The following PDE10A variants were observed in gnomAD, a reference collection of about 807,000 sequenced individuals.
PDE10A encodes phosphodiesterase 10A, also known as cAMP and cAMP-inhibited cGMP 3',5'-cyclic phosphodiesterase 10A.
Under a neutral mutation model 97.7 loss-of-function variants are expected in PDE10A, and 39 were observed. The ratio of observed to expected loss-of-function variants is 0.40; its 90% CI spans 0.31 to 0.52. PDE10A has a LOEUF of 0.52. Ranked by LOEUF, PDE10A falls within the 20% of genes least tolerant of loss-of-function variation. PDE10A has a pLI of 0.56. For missense variants in PDE10A, 731 were observed against 1,047.8 expected, an observed-to-expected ratio of 0.70 and a Z score of 4.17; for synonymous variants, 371 against 376.8, an observed-to-expected ratio of 0.98 and a Z score of 0.18.
chr6:165,973,336 C>G (rs1784748550), intron 1 of PDE10A, among the ~76,000 whole-genome samples: 1 of 151,864 alleles, frequency 6.6e-6, no homozygotes, highest in Non-Finnish European at 1.5e-5. Context: ...CCACTTGAAC[C>G]CGGGAGGCGG....
intron 1 of PDE10A, among the ~76,000 whole-genome samples, chr6:165,562,629 C>A (rs187438143): frequency 6.6e-6 from 1 of 152,102 alleles, no homozygotes; most frequent in Non-Finnish European, 1.5e-5. Context: ...TCCAAGTTTC[C>A]GTGACACTGC....
chr6:165,382,277 A>G (rs992809229), intron 17 of PDE10A, among the ~76,000 whole-genome samples: 3 of 152,146 alleles, frequency 2.0e-5, no homozygotes, highest in African/African-American at 7.2e-5. Context: ...GCCCTTAATC[A>G]TAAGGATCCT....
At chr6:165,732,979 C>T (rs1314617775) in intron 1 of PDE10A, among the ~76,000 whole-genome samples, 1 of 152,246 alleles carries the variant, frequency 6.6e-6, no homozygotes, top group Non-Finnish European at 1.5e-5. Flanking sequence ...TTCCTAGTGA[C>T]AGTTCTCTGG....
chr6:165,630,021 T>C (rs13200957), intron 1 of PDE10A, among the ~76,000 whole-genome samples: 51,335 of 151,964 alleles, frequency 0.34, 9,780 homozygotes, highest in East Asian at 0.62. Context: ...TAAACACCAT[T>C]GTCAACAGAA....
At chr6:165,456,643 T>A (rs1220006107) in intron 3 of PDE10A, among the ~76,000 whole-genome samples, 1 of 152,232 alleles carries the variant, frequency 6.6e-6, no homozygotes, top group Non-Finnish European at 1.5e-5. Flanking sequence ...AGTTTTCTCA[T>A]TTGTATAATA....
At chr6:165,469,242 T>C (rs1778846033) in intron 3 of PDE10A, among the ~76,000 whole-genome samples, 4 of 152,218 alleles carry the variant, frequency 2.6e-5, no homozygotes. Context: ...GGTTTTGCCT[T>C]AAGTACAAAC....
intron 1 of PDE10A, among the ~76,000 whole-genome samples, chr6:165,846,169 G>A (rs1456924902): frequency 6.6e-6 from 1 of 152,210 alleles, no homozygotes; most frequent in African/African-American, 2.4e-5. Flanking sequence ...CCCCCATGCA[G>A]ATCAGACATT....
chr6:165,637,169 G>A (rs1788916490), intron 1 of PDE10A, among the ~76,000 whole-genome samples: 1 of 152,194 alleles, frequency 6.6e-6, no homozygotes, highest in Non-Finnish European at 1.5e-5. Flanking sequence ...CAGACTATAA[G>A]AGATGGGACC....
At chr6:165,440,527 A>C (rs188827346) in intron 5 of PDE10A, among the ~76,000 whole-genome samples, 2 of 152,216 alleles carry the variant, frequency 1.3e-5, no homozygotes, top group Non-Finnish European at 2.9e-5. Context: ...CTTTGTAGAA[A>C]GCACAGTAAC....
chr6:165,820,214 G>A (rs1041362331), intron 1 of PDE10A, among the ~76,000 whole-genome samples: 48 of 152,114 alleles, frequency 3.2e-4, no homozygotes, highest in African/African-American at 1.0e-3. Flanking sequence ...ATGTTCTAAC[G>A]GAATTATTAT....
At chr6:165,452,440 C>A (rs1038873437) in intron 3 of PDE10A, among the ~76,000 whole-genome samples, 7 of 152,270 alleles carry the variant, frequency 4.6e-5, no homozygotes, top group African/African-American at 1.4e-4. Flanking sequence ...CTTTAAAAGG[C>A]AGAGCCCTTG....
intron 1 of PDE10A, among the ~76,000 whole-genome samples, chr6:165,783,032 A>C (rs1583081700): frequency 6.6e-6 from 1 of 152,286 alleles, no homozygotes; most frequent in East Asian, 1.9e-4. Flanking sequence ...CTCGCTTATA[A>C]ATTCATGAGT....
intron 1 of PDE10A, among the ~76,000 whole-genome samples, chr6:165,766,637 C>T (rs1206453062): frequency 1.3e-5 from 2 of 152,194 alleles, no homozygotes; most frequent in African/African-American, 2.4e-5. Context: ...GGAAAACACA[C>T]GTTCAGGCGG....
intron 17 of PDE10A, among the ~76,000 whole-genome samples, chr6:165,379,627 A>C (rs1405923605): frequency 6.6e-6 from 1 of 152,224 alleles, no homozygotes; most frequent in Non-Finnish European, 1.5e-5. Flanking sequence ...TACTACCATA[A>C]AACCCCAGTG....
chr6:165,645,926 A>G (rs1789374506), intron 1 of PDE10A, among the ~76,000 whole-genome samples: 1 of 152,140 alleles, frequency 6.6e-6, no homozygotes, highest in Non-Finnish European at 1.5e-5. Flanking sequence ...AAATTTGACT[A>G]CAAATAGTTT....
chr6:165,965,118 T>G (rs371151861), intron 1 of PDE10A, among the ~76,000 whole-genome samples: 59 of 152,308 alleles, frequency 3.9e-4, no homozygotes, highest in African/African-American at 1.1e-3. Flanking sequence ...ATATAGAGAT[T>G]GTATTTTAAA....
chr6:165,495,338 AGG>A (rs1454755116), intron 2 of PDE10A, among the ~76,000 whole-genome samples: 3 of 149,870 alleles, frequency 2.0e-5, no homozygotes, highest in Non-Finnish European at 4.4e-5. Context: ...AGAGAAGGAG[AGG>A]GGGTGGAGGG....
chr6:165,808,388 C>T (rs1156530194), intron 1 of PDE10A, among the ~76,000 whole-genome samples: 1 of 152,066 alleles, frequency 6.6e-6, no homozygotes, highest in Non-Finnish European at 1.5e-5. Context: ...TTCACACAGA[C>T]AGCGGGTGAT....
At chr6:165,805,844 G>T (rs1052476016) in intron 1 of PDE10A, among the ~76,000 whole-genome samples, 7 of 151,932 alleles carry the variant, frequency 4.6e-5, no homozygotes, top group African/African-American at 1.7e-4. Context: ...ATGGATCTGG[G>T]TGGTTGCTCT....
Sources: allele counts gnomAD v4.1 joint callset (sites outside exome capture counted in the v4.1 genomes callset), GRCh38; gene constraint gnomAD v4.1.1; transcripts MANE v1.5; gene names NCBI Gene and HGNC (gene_info 2026-07-23, HGNC 2026-07-21).